Variants in HTR5A observed in about 807,000 individuals in gnomAD.
The protein encoded by HTR5A is 5-HT-5.
HTR5A carries 21 observed loss-of-function variants against 24.3 expected under a neutral mutation model. The observed-to-expected ratio is 0.86, with a 90% confidence interval of 0.61 to 1.24. The LOEUF (loss-of-function observed/expected upper bound fraction) is 1.24, where lower values mean the gene tolerates loss of function less well. HTR5A is among the 50% of genes most tolerant of loss of function. The pLI, the probability that HTR5A is intolerant of heterozygous loss-of-function variation, is 0.00. For synonymous variants in HTR5A, 260 were observed against 213.7 expected (o/e 1.22, Z -1.89); for missense variants, 497 against 489.5 (o/e 1.02, Z -0.15).
chr7:155,079,368 C>T (rs1246455812), intron 1 of HTR5A, among the ~76,000 whole-genome samples: 2 of 151,910 alleles, frequency 1.3e-5, no homozygotes, highest in African/African-American at 4.8e-5. Context: ...CTGAGAAAAC[C>T]CTGGTTCATT....
At chr7:155,077,998 G>A (rs1795376504) in intron 1 of HTR5A, among the ~76,000 whole-genome samples, 1 of 152,142 alleles carries the variant, frequency 6.6e-6, no homozygotes, top group Non-Finnish European at 1.5e-5. Flanking sequence ...AAATTGTTGA[G>A]TGACAATAAC....
intron 1 of HTR5A, among the ~76,000 whole-genome samples, chr7:155,077,468 T>TG (rs1795370839): frequency 1.1e-4 from 1 of 9,006 alleles, no homozygotes; most frequent in African/African-American, 1.2e-4. Flanking sequence ...TTTTTTTTGT[T>TG]TTTTTTTTTT....
chr7:155,081,727 A>G (rs1795420073), intron 1 of HTR5A, among the ~76,000 whole-genome samples: 1 of 152,226 alleles, frequency 6.6e-6, no homozygotes, highest in South Asian at 2.1e-4. Flanking sequence ...ACATAAGTCC[A>G]AGGGCCATAG....
rs371657785 is a variant in HTR5A, at chr7:155,070,859, C to A, written c.-41C>A. On this transcript the variant is annotated 5_prime_UTR_variant, in exon 1 of 2. Coordinates refer to ENST00000287907, the MANE Select transcript of HTR5A (RefSeq NM_024012.4). ...TGGCCGCCTTAAGTCCTCCTGAACA[C>A]CCCTTCTGCAAGTACCCCAGGGCGG... The A allele has an allele frequency of 1.9e-6, 3 of 1,562,294 alleles. No homozygotes were observed. The highest frequency in any genetic ancestry group is 2.6e-6 in the Non-Finnish European group (3 of 1,157,680).
chr7:155,078,750 T>G (rs1395439350), intron 1 of HTR5A, among the ~76,000 whole-genome samples: 3 of 69,980 alleles, frequency 4.3e-5, no homozygotes, highest in Non-Finnish European at 6.7e-5. Context: ...TTTCTGTGCT[T>G]CTTTTTTTTT....
chr7:155,078,751 C>CTTTTTTTTTTTTTTTTTTTTTTTT (rs67688182), intron 1 of HTR5A, among the ~76,000 whole-genome samples: 3 of 139,220 alleles, frequency 2.2e-5, no homozygotes, highest in Admixed American at 7.3e-5. Flanking sequence ...TTCTGTGCTT[C>CTTTTTTTTTTTTTTTTTTTTTTTT]TTTTTTTTTT....
In HTR5A at chr7:155,084,237, G is replaced by T. The variant is rs1477668480; in HGVS notation, c.824G>T (p.Trp275Leu). ...TVTFQPEGDT[W>L]REQKEQRAAL... ...ACCTTCCAGCCAGAAGGGGACACGTGGCGGGAGCAGAAGGAGCAGCGGGCC... is the reference window on the plus strand; with the variant it reads ...ACCTTCCAGCCAGAAGGGGACACGTTGCGGGAGCAGAAGGAGCAGCGGGCC... The change falls in exon 2 of 2, where the codon TGG becomes TTG. Residue 275 changes from tryptophan (W) to leucine (L), a missense_variant. Physicochemically the swap from Trp to Leu is moderately conservative, Grantham distance 61. Coordinates refer to ENST00000287907, the MANE Select transcript of HTR5A (RefSeq NM_024012.4). The T allele has an allele frequency of 6.2e-7, 1 of 1,614,036 alleles. No homozygotes were observed. Among genetic ancestry groups the T allele is most frequent in the Non-Finnish European group, 8.5e-7 (1 of 1,180,026 alleles).
chr7:155,077,057 A>G (rs1795366049), intron 1 of HTR5A: 1 of 152,216 alleles, frequency 6.6e-6, no homozygotes, highest in African/African-American at 2.4e-5. Context: ...TTCTACTTCA[A>G]TTAAATTTTC....
At chr7:155,075,898 T>G (rs188676465) in intron 1 of HTR5A, among the ~76,000 whole-genome samples, 1 of 152,326 alleles carries the variant, frequency 6.6e-6, no homozygotes, top group African/African-American at 2.4e-5. Context: ...GTCATTATCT[T>G]CAGGAGCCTT....
rs1795279796 is a variant in HTR5A, at chr7:155,070,762, A to C, written c.-138A>C. ...CTCACTAGCAGGAAATTGGGGCCAA[A>C]TTCACAGGCACTTTCCAGAAACTCC... On this transcript the variant is annotated 5_prime_UTR_variant, in exon 1 of 2. Coordinates refer to ENST00000287907, the MANE Select transcript of HTR5A (RefSeq NM_024012.4). 2.1e-6 allele frequency: 2 copies of C among 944,712 alleles called. No individual in the cohort carries two copies. Among genetic ancestry groups the C allele is most frequent in the Admixed American group, 4.7e-5 (2 of 42,936 alleles). The allele number at this position is 944,712 out of a possible 1,614,324, so 58.5% of individuals were successfully genotyped here.
rs1436581869 is a variant in HTR5A, at chr7:155,085,604, T to C, written c.*1117T>C. On this transcript the variant is annotated 3_prime_UTR_variant, in exon 2 of 2. Coordinates refer to ENST00000287907, the MANE Select transcript of HTR5A (RefSeq NM_024012.4). ...TAATTTATGAGGTGAGGCAGTTAAG[T>C]GATGATGCAGCATTTGGATGATCAT... is the stretch of plus-strand genomic sequence containing the variant. The C allele has an allele frequency of 6.6e-6, 1 of 152,112 alleles. No individual in the cohort carries two copies. The highest frequency in any genetic ancestry group is 2.4e-5 in the African/African-American group (1 of 41,410). The allele number at this position is 152,112 out of a possible 1,614,324, so 9.4% of individuals were successfully genotyped here. A position where few individuals can be genotyped will look rare whatever the true frequency, so the allele number is the denominator to read the frequency against.
In HTR5A at chr7:155,084,418, C is replaced by T; in HGVS notation, c.1005C>T (p.Pro335=). ...GCTACTCCAACTCCTTCTTTAACCC[C>T]CTGATCTATACGGCTTTCAACAAGA... The part of the protein sequence containing the change: ...WLGYSNSFFN[P]LIYTAFNKNY... Residue 335 remains proline (P), a synonymous_variant, in exon 2 of 2, where the codon CCC becomes CCT. Coordinates refer to ENST00000287907, the MANE Select transcript of HTR5A (RefSeq NM_024012.4). 1 of 1,614,178 alleles carries T rather than the reference C, an allele frequency of 6.2e-7. No homozygotes were observed. Among genetic ancestry groups the T allele is most frequent in the Non-Finnish European group, 8.5e-7 (1 of 1,180,026 alleles).
chr7:155,077,941 T>C (rs1381165990), intron 1 of HTR5A, among the ~76,000 whole-genome samples: 1 of 152,254 alleles, frequency 6.6e-6, no homozygotes, highest in Non-Finnish European at 1.5e-5. Context: ...TATATAGTTG[T>C]ATATCTAGTT....
rs768526627 is a variant in HTR5A, at chr7:155,071,349, G to C, written c.450G>C (p.Thr150=). ...CCATCACGCGCCACATGGAATACAC[G>C]CTCCGCACCCGCAAGTGCGTCTCCA... ...YWSITRHMEY[T]LRTRKCVSNV... The change falls in exon 1 of 2, where the codon ACG becomes ACC. Residue 150 remains threonine, a synonymous_variant. Coordinates refer to ENST00000287907, the MANE Select transcript of HTR5A (RefSeq NM_024012.4). 6.2e-7 allele frequency: 1 copy of C among 1,613,438 alleles called. No individual in the cohort carries two copies. The highest frequency in any genetic ancestry group is 8.5e-7 in the Non-Finnish European group (1 of 1,180,046).
chr7:155,079,921 G>A (rs1322505284), intron 1 of HTR5A, among the ~76,000 whole-genome samples: 1 of 152,172 alleles, frequency 6.6e-6, no homozygotes, highest in Non-Finnish European at 1.5e-5. Flanking sequence ...GCCCTCATAC[G>A]AGCTTTGTAG....
intron 1 of HTR5A, among the ~76,000 whole-genome samples, chr7:155,074,150 C>A (rs527354840): frequency 6.6e-6 from 1 of 151,964 alleles, no homozygotes; most frequent in Non-Finnish European, 1.5e-5. Flanking sequence ...GCTAGCTGTT[C>A]CCTGGGGAAA....
intron 1 of HTR5A, among the ~76,000 whole-genome samples, chr7:155,073,294 C>G (rs1795317954): frequency 7.8e-6 from 1 of 128,030 alleles, no homozygotes; most frequent in Non-Finnish European, 1.6e-5. Context: ...GCACTCCAGC[C>G]TGGGCGACAG....
At position 155,079,896 on chromosome 7, in the gene HTR5A, C is replaced by T. The variant is rs111248730; in HGVS notation, c.742-4259C>T. Among the ~76,000 whole-genome samples the T allele has an allele frequency of 9.0e-3, 1,374 of 152,230 alleles. 11 individuals are homozygous for T. Among genetic ancestry groups the T allele is most frequent in the Non-Finnish European group, 0.013 (914 of 68,024 alleles). Reference sequence around the variant, plus strand: ...GACAAAGTGATATATTTTCACAAGTCGACAAGTCAGGAATGCCCTCATACG... The same window carrying T: ...GACAAAGTGATATATTTTCACAAGTTGACAAGTCAGGAATGCCCTCATACG... On this transcript the variant is annotated intron_variant, in intron 1 of 1. Coordinates refer to ENST00000287907, the MANE Select transcript of HTR5A (RefSeq NM_024012.4).
Position 155,071,357 on chromosome 7 carries a change from C to T in HTR5A, c.458C>T (p.Thr153Ile), listed in dbSNP as rs774403546. 1.9e-6 allele frequency: 3 copies of T among 1,613,864 alleles called. No individual in the cohort carries two copies. Among genetic ancestry groups the T allele is most frequent in the Non-Finnish European group, 2.5e-6 (3 of 1,180,050 alleles). The change falls in exon 1 of 2, where the codon ACC becomes ATC. Residue 153 changes from threonine (T) to isoleucine (I), a missense_variant. Thr to Ile is a moderately conservative substitution (Grantham distance 89). Transcript: ENST00000287907. ...CGCCACATGGAATACACGCTCCGCA[C>T]CCGCAAGTGCGTCTCCAACGTCATG... Reference protein sequence around the residue: ...ITRHMEYTLRTRKCVSNVMIA... With the variant: ...ITRHMEYTLRIRKCVSNVMIA...
Sources: allele counts gnomAD v4.1 joint callset (sites outside exome capture counted in the v4.1 genomes callset), GRCh38; gene constraint gnomAD v4.1.1; transcripts MANE v1.5; gene names NCBI Gene and HGNC (gene_info 2026-07-23, HGNC 2026-07-21).